NRG1: variants seen among roughly 807,000 people sequenced by gnomAD.
NRG1 encodes neuregulin 1, also known as pro-neuregulin-1, membrane-bound isoform.
NRG1 carries 18 observed loss-of-function variants against 63.8 expected under a neutral mutation model. The observed-to-expected ratio is 0.28, with a 90% confidence interval of 0.19 to 0.42. The LOEUF is 0.42. NRG1 is among the 10% of genes least tolerant of loss of function. The pLI is 1.00. For missense variants in NRG1, 762 were observed against 814.7 expected (o/e 0.94, Z 0.79); for synonymous variants, 302 against 301.3 (o/e 1.00, Z -0.02).
intron 5 of NRG1, among the ~76,000 whole-genome samples, chr8:32,696,852 G>A (rs1372866198): frequency 1.3e-5 from 2 of 151,336 alleles, no homozygotes; most frequent in Admixed American, 1.3e-4. Flanking sequence ...GTAGAGACGG[G>A]GTTTTACCCT....
chr8:32,690,932 CCT>C (rs1471014776), intron 5 of NRG1, among the ~76,000 whole-genome samples: 175 of 126,274 alleles, frequency 1.4e-3, no homozygotes, highest in African/African-American at 5.4e-3. Context: ...TTATTGTTTC[CCT>C]CTCAGTGTGT....
chr8:32,282,765 A>G (rs1429920423), intron 1 of NRG1, among the ~76,000 whole-genome samples: 1 of 152,196 alleles, frequency 6.6e-6, no homozygotes, highest in Admixed American at 6.5e-5. Flanking sequence ...ATTTGGTTTT[A>G]TGATTTTTAA....
chr8:32,691,878 T>C (rs1215571686), intron 5 of NRG1, among the ~76,000 whole-genome samples: 3 of 152,188 alleles, frequency 2.0e-5, no homozygotes, highest in African/African-American at 7.2e-5. Flanking sequence ...GCCTTGATAA[T>C]TAAAAGAGAA....
intron 1 of NRG1, among the ~76,000 whole-genome samples, chr8:32,540,214 T>C (rs1832441130): frequency 6.6e-6 from 1 of 152,058 alleles, no homozygotes; most frequent in Admixed American, 6.6e-5. Flanking sequence ...GATTAGATTT[T>C]AATAAAAGTT....
At chr8:31,959,462 A>G (rs1805039204) in intron 1 of NRG1, among the ~76,000 whole-genome samples, 2 of 152,192 alleles carry the variant, frequency 1.3e-5, no homozygotes, top group South Asian at 2.1e-4. Context: ...GTGGTTCAGC[A>G]TCACCAGGCA....
chr8:31,657,520 C>A lies in NRG1; in HGVS notation c.37+18089C>A, dbSNP rs547496890. Among the ~76,000 whole-genome samples, 4 of 152,198 alleles carry A rather than the reference C, an allele frequency of 2.6e-5. No homozygotes were observed. In the East Asian group the frequency reaches 7.8e-4, roughly 29 times the overall value. ...CTTCCAGAGATGATAGTTCATGTGG[C>A]CCAGGGTTTGTCCTGAGAATCTGCA... On this transcript the variant is annotated intron_variant, in intron 1 of 10. Transcript: ENST00000519301.
intron 6 of NRG1, among the ~76,000 whole-genome samples, chr8:32,730,431 TGACAGAGTAAG>T: frequency 6.6e-6 from 1 of 152,200 alleles, no homozygotes; most frequent in South Asian, 2.1e-4. Flanking sequence ...CCAGCCTGGG[TGACAGAGTAAG>T]GCTGTCAAAA....
intron 1 of NRG1, among the ~76,000 whole-genome samples, chr8:32,068,980 G>A (rs1563749418): frequency 6.6e-6 from 1 of 152,156 alleles, no homozygotes; most frequent in Non-Finnish European, 1.5e-5. Flanking sequence ...TTGGTGAGAT[G>A]GCAGAACTTA....
chr8:31,797,130 G>C (rs1821305732), intron 1 of NRG1, among the ~76,000 whole-genome samples: 1 of 152,090 alleles, frequency 6.6e-6, no homozygotes, highest in African/African-American at 2.4e-5. Flanking sequence ...TTTGAAACTT[G>C]GTAACATCCA....
chr8:32,394,707 C>T (rs1217814810), intron 1 of NRG1, among the ~76,000 whole-genome samples: 1 of 152,160 alleles, frequency 6.6e-6, no homozygotes, highest in Non-Finnish European at 1.5e-5. Flanking sequence ...TTTCTCCCTA[C>T]CCTCTTTGTT....
intron 1 of NRG1, among the ~76,000 whole-genome samples, chr8:32,344,351 T>TTTC (rs1804488790): frequency 2.9e-5 from 2 of 68,420 alleles, no homozygotes; most frequent in African/African-American, 9.6e-5. Flanking sequence ...TCTTTCTTTC[T>TTTC]TTCTTTCTTT....
At chr8:32,251,258 C>T (rs2129470372) in intron 1 of NRG1, among the ~76,000 whole-genome samples, 1 of 152,060 alleles carries the variant, frequency 6.6e-6, no homozygotes, top group Non-Finnish European at 1.5e-5. Flanking sequence ...CTCCCTGTGT[C>T]CATGTGTTCT....
intron 1 of NRG1, among the ~76,000 whole-genome samples, chr8:31,941,431 A>G (rs974228006): frequency 6.6e-6 from 1 of 152,160 alleles, no homozygotes; most frequent in Non-Finnish European, 1.5e-5. Context: ...GCAAGCCCAC[A>G]GCCAACTTTA....
At chr8:31,918,697 C>G (rs1201746078) in intron 1 of NRG1, among the ~76,000 whole-genome samples, 7 of 152,168 alleles carry the variant, frequency 4.6e-5, no homozygotes, top group Non-Finnish European at 1.0e-4. Flanking sequence ...GCTTTGGTAT[C>G]AGGATGATGT....
At chr8:32,402,409 A>T (rs1813327113) in intron 1 of NRG1, among the ~76,000 whole-genome samples, 1 of 152,120 alleles carries the variant, frequency 6.6e-6, no homozygotes, top group Non-Finnish European at 1.5e-5. Flanking sequence ...GTCTAAAAAT[A>T]TTAAATGGAA....
intron 1 of NRG1, among the ~76,000 whole-genome samples, chr8:32,582,069 C>T (rs202054297): frequency 6.9e-6 from 1 of 145,154 alleles, no homozygotes; most frequent in Non-Finnish European, 1.5e-5. Flanking sequence ...ACCATGAACT[C>T]TATTTTATTT....
At chr8:31,935,295 T>A (rs28433407) in intron 1 of NRG1, among the ~76,000 whole-genome samples, 2,801 of 152,060 alleles carry the variant, frequency 0.018, 93 homozygotes, top group African/African-American at 0.065. Context: ...TTTTAAAAAA[T>A]TATTTTTAGT....
intron 1 of NRG1, among the ~76,000 whole-genome samples, chr8:32,065,481 G>A (rs909908319): frequency 7.9e-5 from 12 of 152,128 alleles, no homozygotes; most frequent in African/African-American, 2.7e-4. Context: ...GTGATAGTTT[G>A]CTGAGAATGA....
chr8:31,851,373 T>C (rs925744363), intron 1 of NRG1, among the ~76,000 whole-genome samples: 1 of 152,204 alleles, frequency 6.6e-6, no homozygotes, highest in Non-Finnish European at 1.5e-5. Flanking sequence ...AAAAGGATTA[T>C]GTGAAAATTT....
Sources: allele counts gnomAD v4.1 joint callset (sites outside exome capture counted in the v4.1 genomes callset), GRCh38; gene constraint gnomAD v4.1.1; transcripts MANE v1.5; gene names NCBI Gene and HGNC (gene_info 2026-07-23, HGNC 2026-07-21).